Variants in LUZP2 observed in about 807,000 individuals in gnomAD.
LUZP2 encodes the protein leucine zipper protein 2.
A neutral mutation model predicts 51.6 loss-of-function variants in LUZP2; 52 were observed. The ratio of observed to expected loss-of-function variants is 1.01; its 90% CI spans 0.81 to 1.27. LUZP2 has a LOEUF of 1.27. Among genes scored for constraint, LUZP2 ranks in the 50% most tolerant of loss-of-function variants. LUZP2 has a pLI of 0.00. For missense variants in LUZP2, 436 were observed against 395.4 expected, an observed-to-expected ratio of 1.10 and a Z score of -0.87; for synonymous variants, 154 against 137.3, an observed-to-expected ratio of 1.12 and a Z score of -0.85.
chr11:24,504,002 A>G (rs1850078323), intron 1 of LUZP2, among the ~76,000 whole-genome samples: 1 of 152,176 alleles, frequency 6.6e-6, no homozygotes, highest in Non-Finnish European at 1.5e-5. Flanking sequence ...AGCTGGCCTA[A>G]ATAAGATTCT....
chr11:24,538,085 C>T lies in LUZP2; in HGVS notation c.62+40780C>T, dbSNP rs184137693. Reference sequence around the variant, plus strand: ...ATTACACAAACACACATGCACACACCGCAAGATGTGAATAGGCAATTCATA... The same window carrying T: ...ATTACACAAACACACATGCACACACTGCAAGATGTGAATAGGCAATTCATA... On this transcript the variant is annotated intron_variant, in intron 1 of 11. Coordinates refer to ENST00000336930, the MANE Select transcript of LUZP2 (RefSeq NM_001009909.4). Among the ~76,000 whole-genome samples, 13 of 151,730 alleles carry T rather than the reference C, an allele frequency of 8.6e-5. No individual in the cohort carries two copies. In the South Asian group the frequency reaches 1.2e-3, roughly 15 times the overall value.
chr11:24,771,151 T>C (rs1590490934), intron 5 of LUZP2, among the ~76,000 whole-genome samples: 1 of 152,068 alleles, frequency 6.6e-6, no homozygotes, highest in African/African-American at 2.4e-5. Flanking sequence ...ATGGGAAATA[T>C]AGATTTGATA....
intron 5 of LUZP2, among the ~76,000 whole-genome samples, chr11:24,769,356 T>C (rs1350153752): frequency 6.6e-6 from 1 of 152,180 alleles, no homozygotes; most frequent in Admixed American, 6.5e-5. Flanking sequence ...CAGTGTATTA[T>C]GTATTTCAAA....
chr11:24,827,617 G>A (rs947405088), intron 5 of LUZP2, among the ~76,000 whole-genome samples: 1 of 152,136 alleles, frequency 6.6e-6, no homozygotes, highest in African/African-American at 2.4e-5. Flanking sequence ...GACTAAAATA[G>A]AAGGGGCGTA....
chr11:24,867,789 TTACCTATATCAG>T (rs1464017188), intron 5 of LUZP2, among the ~76,000 whole-genome samples: 1 of 152,176 alleles, frequency 6.6e-6, no homozygotes, highest in Admixed American at 6.6e-5. Flanking sequence ...GTTTCTCTAC[TTACCTATATCAG>T]TAGTTGTCAA....
At chr11:24,701,068 T>C (rs74466218) in intron 1 of LUZP2, among the ~76,000 whole-genome samples, 4,523 of 152,266 alleles carry the variant, frequency 0.03, 225 homozygotes, top group African/African-American at 0.1. Context: ...TTCATCTGTT[T>C]TTGTGTTGCT....
At chr11:24,895,548 G>T (rs528248842) in intron 5 of LUZP2, among the ~76,000 whole-genome samples, 15 of 152,068 alleles carry the variant, frequency 9.9e-5, no homozygotes, top group African/African-American at 3.4e-4. Flanking sequence ...ATTTTCCATT[G>T]TTGCCATCTG....
At chr11:24,868,357 A>G (rs1851958617) in intron 5 of LUZP2, among the ~76,000 whole-genome samples, 1 of 152,184 alleles carries the variant, frequency 6.6e-6, no homozygotes, top group Non-Finnish European at 1.5e-5. Flanking sequence ...CTCTGGAAGC[A>G]TAAGACTGCA....
At chr11:24,500,005 C>T (rs1208047353) in intron 1 of LUZP2, among the ~76,000 whole-genome samples, 2 of 152,134 alleles carry the variant, frequency 1.3e-5, no homozygotes, top group Non-Finnish European at 2.9e-5. Context: ...GAAAACAATC[C>T]TGCCTTTTAA....
At chr11:24,503,666 G>A (rs1850068277) in intron 1 of LUZP2, among the ~76,000 whole-genome samples, 1 of 152,134 alleles carries the variant, frequency 6.6e-6, no homozygotes, top group African/African-American at 2.4e-5. Flanking sequence ...ACAATTTAGA[G>A]GTGAGAAAAC....
At chr11:24,918,202 C>T (rs1056433093) in intron 7 of LUZP2, among the ~76,000 whole-genome samples, 1 of 152,112 alleles carries the variant, frequency 6.6e-6, no homozygotes, top group Non-Finnish European at 1.5e-5. Context: ...TGAGACTTTG[C>T]TGAAGTTGCT....
At chr11:24,666,670 G>T (rs547415227) in intron 1 of LUZP2, among the ~76,000 whole-genome samples, 1 of 152,262 alleles carries the variant, frequency 6.6e-6, no homozygotes, top group African/African-American at 2.4e-5. Flanking sequence ...TGGAAGAGAG[G>T]TTCCTCCAGA....
At chr11:24,694,271 A>C (rs1857170430) in intron 1 of LUZP2, among the ~76,000 whole-genome samples, 1 of 151,808 alleles carries the variant, frequency 6.6e-6, no homozygotes, top group Non-Finnish European at 1.5e-5. Context: ...TCAAGGATTT[A>C]TTTTGTTTTC....
At chr11:25,014,338 AT>A (rs1411695074) in intron 9 of LUZP2, among the ~76,000 whole-genome samples, 1 of 152,208 alleles carries the variant, frequency 6.6e-6, no homozygotes, top group Non-Finnish European at 1.5e-5. Context: ...GTCTTCCACA[AT>A]GGCTGAACTA....
chr11:24,762,478 T>G (rs547579662), intron 4 of LUZP2, among the ~76,000 whole-genome samples: 1 of 152,190 alleles, frequency 6.6e-6, no homozygotes, highest in Non-Finnish European at 1.5e-5. Context: ...CCTGTGTCAT[T>G]ACTTTATTAA....
At chr11:24,907,299 C>CA (rs71044324) in intron 6 of LUZP2, among the ~76,000 whole-genome samples, 51,594 of 103,558 alleles carry the variant, frequency 0.5, 11,711 homozygotes, top group East Asian at 0.7. Context: ...AACACAAATA[C>CA]AAAAAAAAAA....
chr11:24,900,871 C>T (rs1464430292), intron 5 of LUZP2, among the ~76,000 whole-genome samples: 1 of 152,186 alleles, frequency 6.6e-6, no homozygotes, highest in Non-Finnish European at 1.5e-5. Flanking sequence ...TCATTCTTTG[C>T]TCAAACTGTT....
chr11:24,819,147 G>A (rs1313102699), intron 5 of LUZP2, among the ~76,000 whole-genome samples: 1 of 152,004 alleles, frequency 6.6e-6, no homozygotes, highest in East Asian at 1.9e-4. Context: ...AAAAGGGAAG[G>A]GAGGCAAATA....
intron 1 of LUZP2, among the ~76,000 whole-genome samples, chr11:24,675,901 C>T (rs566064854): frequency 6.6e-6 from 1 of 151,900 alleles, no homozygotes; most frequent in Non-Finnish European, 1.5e-5. Flanking sequence ...TCACTGCAAC[C>T]TCCCCCTCCC....
Sources: gnomAD v4.1 joint callset for allele counts (sites outside exome capture counted in the v4.1 genomes callset) on GRCh38, gnomAD v4.1.1 for gene constraint, MANE v1.5 for transcripts, NCBI Gene and HGNC (gene_info 2026-07-23, HGNC 2026-07-21) for gene names.